NKAIN3: variants seen among roughly 807,000 people sequenced by gnomAD.
The protein encoded by NKAIN3 is sodium/potassium-transporting ATPase subunit beta-1-interacting protein 3.
Under a neutral mutation model 30.2 loss-of-function variants are expected in NKAIN3, and 25 were observed. The observed-to-expected ratio is 0.83, with a 90% CI of 0.60 to 1.16. The LOEUF (loss-of-function observed/expected upper bound fraction) is 1.16, where lower values mean the gene tolerates loss of function less well. Ranked by LOEUF, NKAIN3 falls within the 50% of genes most tolerant of loss-of-function variation. The probability of loss-of-function intolerance (pLI) is 0.00; values close to 1 mark genes in which losing one functional copy is unlikely to be tolerated. For synonymous variants in NKAIN3, 91 were observed against 89.6 expected, an observed-to-expected ratio of 1.02 and a Z score of -0.09; for missense variants, 225 against 254.1, an observed-to-expected ratio of 0.89 and a Z score of 0.78.
chr8:62,576,674 A>G (rs1810119552), intron 1 of NKAIN3, among the ~76,000 whole-genome samples: 1 of 152,156 alleles, frequency 6.6e-6, no homozygotes, highest in East Asian at 1.9e-4. Flanking sequence ...TTTTGCAAAT[A>G]TTCCCATCAT....
chr8:62,602,637 C>A (rs1811013639), intron 3 of NKAIN3, among the ~76,000 whole-genome samples: 1 of 152,046 alleles, frequency 6.6e-6, no homozygotes, highest in African/African-American at 2.4e-5. Context: ...AGGCCTTGAC[C>A]TCTCCCTGAT....
chr8:62,953,495 A>C (rs999736303), intron 5 of NKAIN3, among the ~76,000 whole-genome samples: 1 of 152,200 alleles, frequency 6.6e-6, no homozygotes, highest in African/African-American at 2.4e-5. Flanking sequence ...TGGCTTCTCA[A>C]ATGCCTTTCT....
At chr8:62,747,490 G>A (rs2130585010) in intron 4 of NKAIN3, among the ~76,000 whole-genome samples, 1 of 152,290 alleles carries the variant, frequency 6.6e-6, no homozygotes, top group Middle Eastern at 3.4e-3. Flanking sequence ...AGAGAAAGAA[G>A]GATGGAAACA....
chr8:62,994,141 T>C (rs1585652346), intron 5 of NKAIN3, among the ~76,000 whole-genome samples: 1 of 152,180 alleles, frequency 6.6e-6, no homozygotes, highest in Non-Finnish European at 1.5e-5. Context: ...TATACCCACA[T>C]ATGTGTAAAA....
chr8:62,939,250 G>T (rs562599469), intron 5 of NKAIN3, among the ~76,000 whole-genome samples: 47 of 152,270 alleles, frequency 3.1e-4, no homozygotes, highest in Non-Finnish European at 5.6e-4. Context: ...CGAAGTTTGG[G>T]ATTATGTTAA....
chr8:62,856,531 G>A, intron 4 of NKAIN3: 1 of 781,288 alleles, frequency 1.3e-6, no homozygotes, highest in Non-Finnish European at 2.3e-6. Flanking sequence ...ACCAGCTTTG[G>A]TCCTGGCTCA....
intron 4 of NKAIN3, among the ~76,000 whole-genome samples, chr8:62,779,023 A>G (rs577874208): frequency 7.9e-5 from 12 of 152,102 alleles, no homozygotes; most frequent in African/African-American, 2.9e-4. Context: ...AGGGCCTGGA[A>G]TGGGGGCCTC....
intron 5 of NKAIN3, among the ~76,000 whole-genome samples, chr8:62,998,849 C>A (rs954314657): frequency 6.6e-6 from 1 of 152,118 alleles, no homozygotes; most frequent in Non-Finnish European, 1.5e-5. Context: ...CTTGATAAAC[C>A]AACTAAGACT....
intron 1 of NKAIN3, among the ~76,000 whole-genome samples, chr8:62,415,653 A>G (rs1444026784): frequency 1.3e-5 from 2 of 151,568 alleles, no homozygotes; most frequent in Non-Finnish European, 2.9e-5. Flanking sequence ...TGCATATCCT[A>G]CAAGGACATG....
At chr8:62,816,414 C>A (rs1197435285) in intron 4 of NKAIN3, among the ~76,000 whole-genome samples, 1 of 152,150 alleles carries the variant, frequency 6.6e-6, no homozygotes, top group African/African-American at 2.4e-5. Context: ...CATAAGCATG[C>A]AGCAACTCTG....
intron 1 of NKAIN3, among the ~76,000 whole-genome samples, chr8:62,429,588 G>A (rs145328678): frequency 1.5e-3 from 228 of 151,986 alleles, no homozygotes; most frequent in Middle Eastern, 6.8e-3. Flanking sequence ...GGTAATGGTG[G>A]TCTTGTAGAA....
chr8:62,833,029 C>A (rs553101918), intron 4 of NKAIN3, among the ~76,000 whole-genome samples: 1 of 151,984 alleles, frequency 6.6e-6, no homozygotes, highest in East Asian at 1.9e-4. Flanking sequence ...CAATCAATAC[C>A]AAGAAAATCT....
At chr8:62,353,585 C>A (rs1020181103) in intron 1 of NKAIN3, among the ~76,000 whole-genome samples, 2 of 152,076 alleles carry the variant, frequency 1.3e-5, no homozygotes, top group Admixed American at 1.3e-4. Flanking sequence ...TAGATTATAG[C>A]CTCGCCTATT....
chr8:62,677,408 A>G (rs1813511526), intron 3 of NKAIN3, among the ~76,000 whole-genome samples: 1 of 152,212 alleles, frequency 6.6e-6, no homozygotes, highest in Non-Finnish European at 1.5e-5. Flanking sequence ...AGAAGGGGGC[A>G]TAACTCAGGG....
intron 1 of NKAIN3, among the ~76,000 whole-genome samples, chr8:62,279,600 A>T (rs1813097575): frequency 6.6e-6 from 1 of 152,204 alleles, no homozygotes; most frequent in African/African-American, 2.4e-5. Context: ...ATGGCTAGCC[A>T]GTTTTCCCAG....
intron 1 of NKAIN3, among the ~76,000 whole-genome samples, chr8:62,348,834 C>T (rs1010998867): frequency 2.0e-5 from 3 of 152,178 alleles, no homozygotes; most frequent in Non-Finnish European, 4.4e-5. Context: ...ATCATTTACA[C>T]ATTTCTCATC....
chr8:62,855,485 C>A, intron 4 of NKAIN3: 4 of 1,377,740 alleles, frequency 2.9e-6, no homozygotes, highest in Non-Finnish European at 4.1e-6. Context: ...ATTTTGTTTT[C>A]TCTTGGTAAA....
chr8:62,928,579 C>T (rs1215315453), intron 5 of NKAIN3, among the ~76,000 whole-genome samples: 12 of 152,164 alleles, frequency 7.9e-5, no homozygotes, highest in Admixed American at 7.9e-4. Flanking sequence ...ACAATTGTAC[C>T]ATCTATCCCA....
chr8:62,651,348 C>G lies in NKAIN3; in HGVS notation c.273+61554C>G, dbSNP rs1812613569. Among the ~76,000 whole-genome samples, 3 of 152,114 alleles carry G rather than the reference C, an allele frequency of 2.0e-5. No individual in the cohort carries two copies. In the South Asian group the frequency reaches 6.2e-4, roughly 32 times the overall value. On this transcript the variant is annotated intron_variant, in intron 3 of 6. Coordinates refer to ENST00000623646, the MANE Select transcript of NKAIN3 (RefSeq NM_001304533.3). ...AAAGAAAGACACCCAAAAAATCAAA[C>G]AGGAATAAAAAGATTCAAGTCTCAT...
Sources: allele counts gnomAD v4.1 joint callset (sites outside exome capture counted in the v4.1 genomes callset), GRCh38; gene constraint gnomAD v4.1.1; transcripts MANE v1.5; gene names NCBI Gene and HGNC (gene_info 2026-07-23, HGNC 2026-07-21).